The following NRXN2 variants were observed in gnomAD, a reference collection of about 807,000 sequenced individuals.
The protein encoded by NRXN2 is neurexin-2-beta.
In NRXN2, 29 loss-of-function variants were observed where a neutral mutation model predicts 128.8. The ratio of observed to expected loss-of-function variants is 0.23; its 90% CI spans 0.17 to 0.31. The LOEUF is 0.31. Among genes scored for constraint, NRXN2 ranks in the 10% least tolerant of loss-of-function variants. The pLI, the probability that NRXN2 is intolerant of heterozygous loss-of-function variation, is 1.00. For missense variants in NRXN2, 1,881 were observed against 2,452.6 expected (o/e 0.77, Z 4.92); for synonymous variants, 1,098 against 1,075.2 (o/e 1.02, Z -0.41).
In NRXN2 at chr11:64,607,019, A is replaced by T; in HGVS notation, c.*177T>A. ...CTGACGAGGCCGCGCAGTGGACGGCAGGAGGAAGGGGGCGAGCACGGGGTT... is the reference window on the plus strand; with the variant it reads ...CTGACGAGGCCGCGCAGTGGACGGCTGGAGGAAGGGGGCGAGCACGGGGTT... On this transcript the variant is annotated 3_prime_UTR_variant, in exon 23 of 23. Transcript: ENST00000265459. 1 of 666,602 alleles carries T rather than the reference A, an allele frequency of 1.5e-6. No homozygotes were observed. The highest frequency in any genetic ancestry group is 2.5e-6 in the Non-Finnish European group (1 of 400,732). 41.3% of individuals were successfully genotyped at this position (666,602 alleles called of 1,614,324 possible). A position where few individuals can be genotyped will look rare whatever the true frequency, so the allele number is the denominator to read the frequency against.
At chr11:64,668,336 G>A in intron 8 of NRXN2, 107 bp downstream of exon 8, 1 of 1,427,504 alleles carries the variant, frequency 7.0e-7, no homozygotes, top group Non-Finnish European at 9.7e-7. Flanking sequence ...CATGGACTTG[G>A]AAGGAACAGA....
rs1217971932 is a variant in NRXN2, at chr11:64,684,468, G to A, written c.1152+1178C>T. 2.6e-5 allele frequency among the ~76,000 whole-genome samples: 4 copies of A among 152,140 alleles called. No homozygotes were observed. In the East Asian group the frequency reaches 5.8e-4, roughly 22 times the overall value. The stretch of plus-strand genomic sequence containing the variant: ...AGAATAGGCACATTAGTAGGAGCCC[G>A]GCTGCAACAGGTAGTGGCAGGCCTG... On this transcript the variant is annotated intron_variant, in intron 6 of 22. Coordinates refer to ENST00000265459, the MANE Select transcript of NRXN2 (RefSeq NM_015080.4).
At chr11:64,616,494 CTGTG>C (rs1200997647) in intron 22 of NRXN2, among the ~76,000 whole-genome samples, 1 of 152,094 alleles carries the variant, frequency 6.6e-6, no homozygotes, top group Non-Finnish European at 1.5e-5. Context: ...GTCTGAGCAC[CTGTG>C]TGTGTTACAC....
intron 19 of NRXN2, among the ~76,000 whole-genome samples, chr11:64,627,055 C>T (rs892316889): frequency 3.3e-5 from 5 of 152,112 alleles, no homozygotes; most frequent in African/African-American, 4.8e-5. Context: ...CCACCCAGCA[C>T]GCACATTGAA....
Position 64,622,590 on chromosome 11 carries a change from G to C in NRXN2, c.4173+163C>G, listed in dbSNP as rs1481333851. On this transcript the variant is annotated intron_variant, in intron 21 of 22. Transcript: ENST00000265459. The surrounding 1 kb of genome is among the most constrained non-coding windows in gnomAD (Gnocchi z 4.3). Reference sequence around the variant, plus strand: ...GGGTGAAGGCCACTTCCTGAAAGGTGACCTTGCCCATCGCCATGGCAACAA... The same window carrying C: ...GGGTGAAGGCCACTTCCTGAAAGGTCACCTTGCCCATCGCCATGGCAACAA... The C allele has an allele frequency of 2.0e-6, 1 of 494,892 alleles. No homozygotes were observed. Among genetic ancestry groups the C allele is most frequent in the Non-Finnish European group, 2.6e-6 (1 of 381,708 alleles). The allele number at this position is 494,892 out of a possible 1,614,324, so 30.7% of individuals were successfully genotyped here.
intron 2 of NRXN2, among the ~76,000 whole-genome samples, chr11:64,700,623 CT>C (rs2055204559): frequency 6.6e-6 from 1 of 152,218 alleles, no homozygotes; most frequent in Non-Finnish European, 1.5e-5. Flanking sequence ...TCATCGTAGC[CT>C]CTGGCCTCAC....
Position 64,713,667 on chromosome 11 carries a change from C to A in NRXN2, c.33G>T (p.Pro11=), listed in dbSNP as rs760875194. The A allele has an allele frequency of 2.2e-5, 26 of 1,173,474 alleles. No homozygotes were observed. 72.7% of individuals were successfully genotyped at this position (1,173,474 alleles called of 1,614,324 possible). ...GCAGCAGCAGCAACAGCAGCGGCGG[C>A]GGTGTCGGCCGCCACCGGCTCCCGG... MASGSRWRPT[P]PPLLLLLLLA... Residue 11 remains proline, a synonymous_variant, in exon 2 of 23, where the codon CCG becomes CCT. Transcript: ENST00000265459.
rs2043686630 is a variant in NRXN2, at chr11:64,630,244, G to A, written c.3757+158C>T. On this transcript the variant is annotated intron_variant, in intron 19 of 22. Transcript: ENST00000265459. The surrounding 1 kb of genome is among the most constrained non-coding windows in gnomAD (Gnocchi z 4.6). ...TTTTCCTAGCCACGCCCCTGCCCTA[G>A]TCCCGCCTCGCAAGCTTCGTCTCTC... Among the ~76,000 whole-genome samples the A allele has an allele frequency of 6.6e-6, 1 of 152,032 alleles. No homozygotes were observed. The highest frequency in any genetic ancestry group is 6.6e-5 in the Admixed American group (1 of 15,266).
chr11:64,676,671 G>A (rs1270133545), intron 7 of NRXN2: 2 of 474,024 alleles, frequency 4.2e-6, no homozygotes, highest in East Asian at 3.6e-5. Context: ...GGTCTAACCA[G>A]AGCCGATGAA....
chr11:64,706,109 TATATATATATA>T (rs1162321094), intron 2 of NRXN2, among the ~76,000 whole-genome samples: 2 of 114 alleles, frequency 0.018, no homozygotes, highest in Non-Finnish European at 0.019. Context: ...ATATATAAAG[TATATATATATA>T]ATATATATAA....
intron 6 of NRXN2, among the ~76,000 whole-genome samples, chr11:64,681,546 A>G (rs970117117): frequency 4.6e-5 from 7 of 152,182 alleles, no homozygotes; most frequent in African/African-American, 1.7e-4. Flanking sequence ...AAATACAACT[A>G]ATTCGTGCCA....
At chr11:64,678,210 C>A (rs184862251) in intron 6 of NRXN2, among the ~76,000 whole-genome samples, 255 of 152,216 alleles carry the variant, frequency 1.7e-3, no homozygotes, top group African/African-American at 6.1e-3. Flanking sequence ...ATGGCTCACA[C>A]ATTATATCAA....
intron 7 of NRXN2, among the ~76,000 whole-genome samples, chr11:64,669,690 C>T (rs2050369916): frequency 6.6e-6 from 1 of 152,184 alleles, no homozygotes; most frequent in Non-Finnish European, 1.5e-5. Context: ...AAAAATCTAA[C>T]TCTACAAGCA....
intron 2 of NRXN2, among the ~76,000 whole-genome samples, chr11:64,710,513 G>A (rs2056787482): frequency 6.6e-6 from 1 of 152,128 alleles, no homozygotes; most frequent in Non-Finnish European, 1.5e-5. Context: ...AGGTGCCTCT[G>A]GCTGCATTTT....
chr11:64,666,816 G>A (rs559308781), intron 9 of NRXN2, among the ~76,000 whole-genome samples: 4 of 152,168 alleles, frequency 2.6e-5, no homozygotes, highest in South Asian at 2.1e-4. Context: ...GCCCACCTCC[G>A]CCTCCCAAAG....
At chr11:64,608,219 G>T in intron 22 of NRXN2, 137 bp from the exon 23 acceptor site, 2 of 706,652 alleles carry the variant, frequency 2.8e-6, no homozygotes, top group Non-Finnish European at 4.8e-6. Flanking sequence ...AGAGCGGGCT[G>T]GGCCCGCCCG....
Position 64,651,614 on chromosome 11 carries a change from C to A in NRXN2, c.2559G>T (p.Met853Ile). The change falls in exon 14 of 23, where the codon ATG (methionine) becomes ATT (isoleucine). Residue 853 changes from methionine to isoleucine, a missense_variant. Met to Ile is a conservative substitution (Grantham distance 10, BLOSUM62 1). Coordinates refer to ENST00000265459, the MANE Select transcript of NRXN2 (RefSeq NM_015080.4). This position sits in a 1 kb window ranked among gnomAD's most constrained non-coding sequence, Gnocchi z 5.9. ...TCTCAATGTTGTGGAACTCCAGCCG[C>A]ATATGGGCTCCTGCCATCTGTCCTG... ...TVEGQMAGAH[M>I]RLEFHNIETG... The A allele has an allele frequency of 6.2e-7, 1 of 1,614,040 alleles. No homozygotes were observed.
At chr11:64,657,822 G>A (rs1459559513) in intron 11 of NRXN2, among the ~76,000 whole-genome samples, 1 of 152,166 alleles carries the variant, frequency 6.6e-6, no homozygotes, top group Admixed American at 6.5e-5. Flanking sequence ...AGATTGTCAG[G>A]AGTCATGCTA....
In NRXN2 at chr11:64,723,051, G is replaced by T; in HGVS notation, c.-325C>A. The T allele has an allele frequency of 6.6e-6, 1 of 151,162 alleles. No homozygotes were observed. Among genetic ancestry groups the T allele is most frequent in the South Asian group, 1.8e-4 (1 of 5,454 alleles). 9.4% of individuals were successfully genotyped at this position (151,162 alleles called of 1,614,324 possible). A position where few individuals can be genotyped will look rare whatever the true frequency, so the allele number is the denominator to read the frequency against. On this transcript the variant is annotated 5_prime_UTR_variant, in exon 1 of 23. In the 5' UTR this introduces an upstream ATG that the reference lacks. Transcript: ENST00000265459. ...CCGTCTCCGACGGGTGGCAGAGCCAGGGCTAGCGGTGTCTGCCGCCTCGCG... is the reference window on the plus strand; with the variant it reads ...CCGTCTCCGACGGGTGGCAGAGCCATGGCTAGCGGTGTCTGCCGCCTCGCG...
Sources: allele counts gnomAD v4.1 joint callset (sites outside exome capture counted in the v4.1 genomes callset), GRCh38; gene constraint gnomAD v4.1.1; non-coding constraint Gnocchi (gnomAD v3.1); transcripts MANE v1.5; gene names NCBI Gene and HGNC (gene_info 2026-07-23, HGNC 2026-07-21).